Variants in ZNF195 observed in about 807,000 individuals in gnomAD.
ZNF195 encodes hypoxia-regulated factor-1.
ZNF195 carries 11 observed loss-of-function variants against 19.5 expected under a neutral mutation model. The ratio of observed to expected loss-of-function variants is 0.57; its 90% confidence interval spans 0.36 to 0.94. ZNF195 has a LOEUF of 0.94. ZNF195 is among the 40% of genes least tolerant of loss of function. The pLI is 0.01. For synonymous variants in ZNF195, 214 were observed against 248.1 expected (o/e 0.86, Z 1.29); for missense variants, 582 against 709.0 (o/e 0.82, Z 2.03).
intron 3 of ZNF195, among the ~76,000 whole-genome samples, chr11:3,365,986 G>A (rs982458543): frequency 5.3e-5 from 8 of 152,114 alleles, no homozygotes; most frequent in African/African-American, 1.9e-4. Flanking sequence ...GGCTGGGTGT[G>A]GTGGCTCACG....
chr11:3,363,149 T>A (rs1848712397), intron 3 of ZNF195, among the ~76,000 whole-genome samples: 1 of 152,236 alleles, frequency 6.6e-6, no homozygotes, highest in East Asian at 1.9e-4. Context: ...TGCTTCAATT[T>A]TGCAAGTTCT....
intron 3 of ZNF195, among the ~76,000 whole-genome samples, chr11:3,370,499 C>A (rs999586632): frequency 1.3e-5 from 2 of 152,206 alleles, no homozygotes; most frequent in Non-Finnish European, 2.9e-5. Flanking sequence ...CCATTTGAAA[C>A]CTCTGTAGGA....
rs776348694 is a variant in ZNF195 at position 3,360,122 on chromosome 11, C to T, written c.886G>A (p.Gly296Arg). 6.8e-6 allele frequency: 11 copies of T among 1,613,974 alleles called. No individual in the cohort carries two copies. The African/African-American group carries it at 9.3e-5, about 14-fold the overall frequency. Residue 296 changes from glycine (G) to arginine (R), a missense_variant, in exon 6 of 6, where the codon GGA becomes AGA. Gly to Arg is a moderately radical substitution (Grantham distance 125). Coordinates refer to ENST00000399602, the MANE Select transcript of ZNF195 (RefSeq NM_001130520.3). ...HFTEPENIDT[G>R]EKPYKCQECN... ...TCTTGACACTTGTAAGGTTTCTCTC[C>T]AGTGTCAATGTTCTCAGGTTCAGTA...
chr11:3,373,692 A>G lies in ZNF195; in HGVS notation c.4-1989T>C, dbSNP rs1338737512. 3 of 1,487,934 alleles carry G rather than the reference A, an allele frequency of 2.0e-6. No individual in the cohort carries two copies. The East Asian group carries it at 7.4e-5, about 37-fold the overall frequency. 92.2% of individuals were successfully genotyped at this position (1,487,934 alleles called of 1,614,324 possible). A position where few individuals can be genotyped will look rare whatever the true frequency, so the allele number is the denominator to read the frequency against. ...AGAATATGCCTTTAAAGGTGTTAGC[A>G]CAACCCCTTCACCTGCTACCACCAC... On this transcript the variant is annotated intron_variant, in intron 1 of 5. Transcript: ENST00000399602.
At position 3,360,169 on chromosome 11, in the gene ZNF195, G is replaced by A. The variant is rs866480056; in HGVS notation, c.839C>T (p.Thr280Ile). The change falls in exon 6 of 6, where the codon ACC (threonine) becomes ATC (isoleucine). Residue 280 changes from threonine to isoleucine, a missense_variant. By Grantham distance (89) the Thr-to-Ile change is moderately conservative (BLOSUM62 -1). Around this residue, in one of 3 missense-constraint regions of ZNF195, gnomAD observed 407 missense variants for 530.5 expected, o/e 0.77. Transcript: ENST00000399602. ...KFQKCGECGK[T>I]FIQCSHFTEP... Reference sequence around the variant, plus strand: ...AGTAAAGTGTGAGCACTGGATAAAGGTTTTGCCACATTCTCCACATTTTTG... The same window carrying A: ...AGTAAAGTGTGAGCACTGGATAAAGATTTTGCCACATTCTCCACATTTTTG... The A allele has an allele frequency of 3.1e-6, 5 of 1,613,800 alleles. No individual in the cohort carries two copies. Among genetic ancestry groups the A allele is most frequent in the Non-Finnish European group, 3.4e-6 (4 of 1,179,886 alleles).
At chr11:3,378,147 TA>T (rs1167804753) in intron 1 of ZNF195, among the ~76,000 whole-genome samples, 1 of 151,942 alleles carries the variant, frequency 6.6e-6, no homozygotes, top group Non-Finnish European at 1.5e-5. Context: ...CCGTCTCTAC[TA>T]AAAATACAAA....
chr11:3,361,485 T>A (rs1848630511), intron 4 of ZNF195, among the ~76,000 whole-genome samples: 1 of 151,126 alleles, frequency 6.6e-6, no homozygotes. Context: ...CTAAGTAAAA[T>A]TAGGAAAATA....
rs761724338 is a variant in ZNF195, at chr11:3,359,836, A to C, written c.1172T>G (p.Phe391Cys). ...TTTGGAAGGATTTGGGCTGTGGTTA[A>C]AACCTTTGTACCATGTTTCACATTT... ...LSKCETWYKG[F>C]NHSPNPSKHQ... The change falls in exon 6 of 6, where the codon TTT (phenylalanine) becomes TGT (cysteine). Residue 391 changes from phenylalanine to cysteine, a missense_variant. Coordinates refer to ENST00000399602, the MANE Select transcript of ZNF195 (RefSeq NM_001130520.3). The surrounding 1 kb of genome is among the most constrained non-coding windows in gnomAD (Gnocchi z 5.5). The C allele has an allele frequency of 1.7e-5, 27 of 1,613,984 alleles. No homozygotes were observed. Among genetic ancestry groups the C allele is most frequent in the Non-Finnish European group, 7.6e-6 (9 of 1,180,044 alleles).
rs2134678250 is a variant in ZNF195, at chr11:3,358,967, T to G, written c.*151A>C. The G allele has an allele frequency of 9.8e-7, 1 of 1,020,366 alleles. No homozygotes were observed. Among genetic ancestry groups the G allele is most frequent in the East Asian group, 3.0e-5 (1 of 33,718 alleles). The allele number at this position is 1,020,366 out of a possible 1,614,324, so 63.2% of individuals were successfully genotyped here. A position where few individuals can be genotyped will look rare whatever the true frequency, so the allele number is the denominator to read the frequency against. ...GTAACATTTTTTTCAGAAGAAATAC[T>G]CTTGTGTGCTCTGGAGACTTATATT... is the stretch of plus-strand genomic sequence containing the variant. On this transcript the variant is annotated 3_prime_UTR_variant, in exon 6 of 6. Coordinates refer to ENST00000399602, the MANE Select transcript of ZNF195 (RefSeq NM_001130520.3).
intron 1 of ZNF195, among the ~76,000 whole-genome samples, chr11:3,375,139 G>A (rs1197075812): frequency 6.6e-6 from 1 of 152,172 alleles, no homozygotes; most frequent in African/African-American, 2.4e-5. Flanking sequence ...CCAGGGTGAA[G>A]CCAGACCTGG....
At chr11:3,374,693 TG>T (rs1197684099) in intron 1 of ZNF195, among the ~76,000 whole-genome samples, 1 of 152,224 alleles carries the variant, frequency 6.6e-6, no homozygotes, top group African/African-American at 2.4e-5. Flanking sequence ...GACCAGGCTT[TG>T]TGGTTCCTCT....
intron 3 of ZNF195, among the ~76,000 whole-genome samples, chr11:3,364,529 A>G (rs11026746): frequency 0.29 from 44,073 of 151,320 alleles, 7,861 homozygotes; most frequent in East Asian, 0.46. Flanking sequence ...ATAATTTGTT[A>G]CATTAACAGC....
chr11:3,362,945 G>A (rs1234612314), intron 3 of ZNF195: 3 of 161,168 alleles, frequency 1.9e-5, no homozygotes, highest in Admixed American at 6.4e-5. Context: ...GGTTACAATT[G>A]TATTATGCAA....
chr11:3,367,423 T>C (rs1022202859), intron 3 of ZNF195, among the ~76,000 whole-genome samples: 6 of 152,084 alleles, frequency 3.9e-5, no homozygotes, highest in Non-Finnish European at 7.3e-5. Context: ...ACTGTGACTG[T>C]GTAGTCATGA....
chr11:3,372,101 C>T (rs1476646466), intron 1 of ZNF195, among the ~76,000 whole-genome samples: 1 of 152,140 alleles, frequency 6.6e-6, no homozygotes, highest in African/African-American at 2.4e-5. Context: ...GCTGAGTTTC[C>T]GAATTTCTAA....
At chr11:3,372,523 C>G (rs1308571138) in intron 1 of ZNF195, among the ~76,000 whole-genome samples, 4 of 152,172 alleles carry the variant, frequency 2.6e-5, no homozygotes, top group Admixed American at 6.5e-5. Flanking sequence ...CATACCGAAA[C>G]CTTAGTGTTA....
At position 3,361,745 on chromosome 11, in the gene ZNF195, G is replaced by A; in HGVS notation, c.371C>T (p.Thr124Ile). The A allele has an allele frequency of 7.7e-7, 1 of 1,301,150 alleles. No homozygotes were observed. The highest frequency in any genetic ancestry group is 1.0e-6 in the Non-Finnish European group (1 of 986,824). 80.6% of individuals were successfully genotyped at this position (1,301,150 alleles called of 1,614,324 possible). A position where few individuals can be genotyped will look rare whatever the true frequency, so the allele number is the denominator to read the frequency against. ...PGLNVSVDKF[T>I]ALCSPGVLQT... The stretch of plus-strand genomic sequence containing the variant: ...GGTACATGCTCTTAGGAGATTACCA[G>A]TGAATTTGTCCACAGAAACATTGAG... Residue 124 changes from threonine (T) to isoleucine (I), a missense_variant and splice_region_variant, in exon 4 of 6, where the codon ACT becomes ATT. By Grantham distance (89) the Thr-to-Ile change is moderately conservative (BLOSUM62 -1). Transcript: ENST00000399602.
At chr11:3,369,353 C>A (rs545409044) in intron 3 of ZNF195, 4 of 249,920 alleles carry the variant, frequency 1.6e-5, no homozygotes, top group Admixed American at 9.4e-5. Context: ...AAAGATAAAC[C>A]TACCCTGCAA....
intron 3 of ZNF195, 122 bp downstream of exon 3, chr11:3,370,853 C>A: frequency 2.2e-6 from 2 of 897,618 alleles, no homozygotes; most frequent in Non-Finnish European, 1.8e-6. Context: ...AGAAAGACAC[C>A]CAGGCTCTCA....
Sources: allele counts gnomAD v4.1 joint callset (sites outside exome capture counted in the v4.1 genomes callset), GRCh38; gene constraint gnomAD v4.1.1; regional missense constraint gnomAD v4.1.1; non-coding constraint Gnocchi (gnomAD v3.1); transcripts MANE v1.5; gene names NCBI Gene and HGNC (gene_info 2026-07-23, HGNC 2026-07-21).